The following RAP1GAP2 variants were observed in gnomAD, a reference collection of about 807,000 sequenced individuals.
RAP1GAP2 encodes the protein RAP1 GTPase activating protein 2.
In RAP1GAP2, 27 loss-of-function variants were observed where a neutral mutation model predicts 95.0. That is an observed-to-expected ratio of 0.28 (90% CI 0.21 to 0.39). The LOEUF (loss-of-function observed/expected upper bound fraction) is 0.39, where lower values mean the gene tolerates loss of function less well. RAP1GAP2 is among the 10% of genes least tolerant of loss of function. The probability of loss-of-function intolerance (pLI) is 1.00; values close to 1 mark genes in which losing one functional copy is unlikely to be tolerated. For synonymous variants in RAP1GAP2, 373 were observed against 380.9 expected (o/e 0.98, Z 0.24); for missense variants, 771 against 970.0 (o/e 0.79, Z 2.72).
At chr17:2,828,332 C>T (rs902238672) in intron 2 of RAP1GAP2, among the ~76,000 whole-genome samples, 4 of 126,868 alleles carry the variant, frequency 3.2e-5, no homozygotes, top group African/African-American at 1.3e-4. Context: ...CAGTGAGACT[C>T]CATCTCAAAA....
chr17:2,987,745 A>G (rs1195810108), intron 11 of RAP1GAP2, among the ~76,000 whole-genome samples: 3 of 152,252 alleles, frequency 2.0e-5, no homozygotes, highest in Non-Finnish European at 1.5e-5. Context: ...TTCTAAAAAA[A>G]AAATACTGTA....
intron 2 of RAP1GAP2, among the ~76,000 whole-genome samples, chr17:2,844,534 C>T (rs1042517410): frequency 6.6e-6 from 1 of 152,234 alleles, no homozygotes; most frequent in Non-Finnish European, 1.5e-5. Context: ...TTGCACATTG[C>T]AGACCTGCAG....
intron 2 of RAP1GAP2, among the ~76,000 whole-genome samples, chr17:2,895,663 G>A (rs1342989354): frequency 6.6e-6 from 1 of 151,696 alleles, no homozygotes; most frequent in African/African-American, 2.4e-5. Context: ...TGCAACCTCC[G>A]CCTCCCGGGT....
chr17:2,821,035 T>C (rs995575805), intron 2 of RAP1GAP2, among the ~76,000 whole-genome samples: 11 of 151,542 alleles, frequency 7.3e-5, no homozygotes, highest in South Asian at 2.1e-4. Context: ...GCGTCCTGCC[T>C]ATTATTTTAT....
intron 4 of RAP1GAP2, among the ~76,000 whole-genome samples, chr17:2,958,374 G>A (rs1161742163): frequency 1.3e-5 from 2 of 152,078 alleles, no homozygotes; most frequent in Non-Finnish European, 2.9e-5. Flanking sequence ...GGGGTTCTTC[G>A]TTGTTCCTCA....
chr17:3,017,931 GT>G, intron 17 of RAP1GAP2, 129 bp from the exon 18 acceptor site: 2 of 788,424 alleles, frequency 2.5e-6, no homozygotes, highest in Non-Finnish European at 3.9e-6. Flanking sequence ...GTGTGTGTGT[GT>G]GTGTGTGTGT....
intron 3 of RAP1GAP2, among the ~76,000 whole-genome samples, chr17:2,908,861 G>A (rs2042282529): frequency 1.3e-5 from 2 of 151,968 alleles, no homozygotes; most frequent in Admixed American, 6.6e-5. Flanking sequence ...ATGTGCCACC[G>A]AGCCCAGCTA....
chr17:2,932,884 C>T (rs75248246), intron 3 of RAP1GAP2, among the ~76,000 whole-genome samples: 2 of 146,050 alleles, frequency 1.4e-5, no homozygotes, highest in Non-Finnish European at 3.0e-5. Context: ...CATGTCTGGT[C>T]TGTGATGTGT....
intron 3 of RAP1GAP2, among the ~76,000 whole-genome samples, chr17:2,933,553 C>T (rs1180937968): frequency 6.6e-6 from 1 of 152,230 alleles, no homozygotes; most frequent in African/African-American, 2.4e-5. Context: ...TATTCCCATT[C>T]TTTAGAGAGA....
At chr17:2,844,115 G>C in intron 2 of RAP1GAP2, among the ~76,000 whole-genome samples, 1 of 151,950 alleles carries the variant, frequency 6.6e-6, no homozygotes, top group East Asian at 1.9e-4. Flanking sequence ...CTGCCTCCTG[G>C]GTTCACGCCA....
chr17:2,978,581 C>T (rs1367805149), intron 8 of RAP1GAP2, among the ~76,000 whole-genome samples: 1 of 152,116 alleles, frequency 6.6e-6, no homozygotes, highest in Non-Finnish European at 1.5e-5. Flanking sequence ...CCGTGGTTGA[C>T]TGCAGGTAGC....
chr17:2,816,096 T>A (rs1040477631), intron 2 of RAP1GAP2, among the ~76,000 whole-genome samples: 1 of 152,160 alleles, frequency 6.6e-6, no homozygotes, highest in Non-Finnish European at 1.5e-5. Context: ...GTGCCCCTTG[T>A]TTCCATAGCA....
rs1245301140 is a variant in RAP1GAP2, at chr17:3,008,739, G to A, written c.1494+594G>A. On this transcript the variant is annotated intron_variant, in intron 17 of 24. Transcript: ENST00000254695. The surrounding 1 kb of genome is among the most constrained non-coding windows in gnomAD (Gnocchi z 4.2). ...GGAAGTATTCAAGTGGAGCTCGGACGGCCCCCGAGCTGGCGTGTGGTAGAG... is the reference window on the plus strand; with the variant it reads ...GGAAGTATTCAAGTGGAGCTCGGACAGCCCCCGAGCTGGCGTGTGGTAGAG... Among the ~76,000 whole-genome samples the A allele has an allele frequency of 6.6e-6, 1 of 152,204 alleles. No individual in the cohort carries two copies. Among genetic ancestry groups the A allele is most frequent in the Non-Finnish European group, 1.5e-5 (1 of 68,036 alleles).
At chr17:2,950,744 G>A (rs972028146) in intron 3 of RAP1GAP2, among the ~76,000 whole-genome samples, 1 of 151,486 alleles carries the variant, frequency 6.6e-6, no homozygotes, top group Admixed American at 6.6e-5. Context: ...CCAAATAGCT[G>A]GGATTACAGG....
rs762278909 is a variant in RAP1GAP2, at chr17:3,027,074, A to G, written c.2107+4A>G. The G allele has an allele frequency of 6.3e-7, 1 of 1,575,022 alleles. No homozygotes were observed. The highest frequency in any genetic ancestry group is 8.6e-7 in the Non-Finnish European group (1 of 1,160,438). Reference sequence around the variant, plus strand: ...ATCATGAGCCGGAGTCCCACAGGTCAGTGGCATCTGGTGGTGTGTGTGACG... The same window carrying G: ...ATCATGAGCCGGAGTCCCACAGGTCGGTGGCATCTGGTGGTGTGTGTGACG... On this transcript the variant is annotated splice_donor_region_variant and intron_variant, in intron 22 of 24. Transcript: ENST00000254695. This position sits in a 1 kb window ranked among gnomAD's most constrained non-coding sequence, Gnocchi z 5.2.
rs927046031 is a variant in RAP1GAP2 at position 2,866,349 on chromosome 17, G to C, written c.81-38935G>C. Among the ~76,000 whole-genome samples, 2 of 152,208 alleles carry C rather than the reference G, an allele frequency of 1.3e-5. No homozygotes were observed. The highest frequency in any genetic ancestry group is 2.9e-5 in the Non-Finnish European group (2 of 68,042). On this transcript the variant is annotated intron_variant, in intron 2 of 24. Coordinates refer to ENST00000254695, the MANE Select transcript of RAP1GAP2 (RefSeq NM_015085.5). The surrounding 1 kb of genome is among the most constrained non-coding windows in gnomAD (Gnocchi z 4.0). ...TTCGTGTTAGGTGTTGAATGCTGGGGAAAGAAGGGCAGGTCAGGCTGTGGG... is the reference window on the plus strand; with the variant it reads ...TTCGTGTTAGGTGTTGAATGCTGGGCAAAGAAGGGCAGGTCAGGCTGTGGG...
chr17:2,835,714 G>A (rs1387968912), intron 2 of RAP1GAP2, among the ~76,000 whole-genome samples: 3 of 152,238 alleles, frequency 2.0e-5, no homozygotes, highest in Admixed American at 2.0e-4. Flanking sequence ...GCATTCCAGA[G>A]TGTGACCCTG....
intron 3 of RAP1GAP2, among the ~76,000 whole-genome samples, chr17:2,911,301 A>T (rs1488555996): frequency 6.9e-6 from 1 of 145,866 alleles, no homozygotes; most frequent in Admixed American, 7.0e-5. Flanking sequence ...AAAAGCAACC[A>T]AAGAGATGCT....
At chr17:3,019,977 G>A (rs2046901041) in intron 18 of RAP1GAP2, among the ~76,000 whole-genome samples, 1 of 152,374 alleles carries the variant, frequency 6.6e-6, no homozygotes, top group South Asian at 2.1e-4. Flanking sequence ...TGGCTCTGCG[G>A]CTCTCAGCCT....
Sources: allele counts gnomAD v4.1 joint callset (sites outside exome capture counted in the v4.1 genomes callset), GRCh38; gene constraint gnomAD v4.1.1; non-coding constraint Gnocchi (gnomAD v3.1); transcripts MANE v1.5; gene names NCBI Gene and HGNC (gene_info 2026-07-23, HGNC 2026-07-21).